Variants in PALB2 observed in about 807,000 individuals in gnomAD.
PALB2 encodes the protein mutant partner and localizer of BRCA2.
PALB2 carries 82 observed loss-of-function variants against 107.4 expected under a neutral mutation model. The observed-to-expected ratio is 0.76, with a 90% CI of 0.64 to 0.92. The LOEUF (loss-of-function observed/expected upper bound fraction) is 0.92. Among genes scored for constraint, PALB2 ranks in the 40% least tolerant of loss-of-function variants. PALB2 has a pLI of 0.00. For synonymous variants in PALB2, 489 were observed against 496.8 expected (o/e 0.98, Z 0.21); for missense variants, 1,374 against 1,379.9 (o/e 1.00, Z 0.07).
intron 10 of PALB2, among the ~76,000 whole-genome samples, chr16:23,615,853 C>G (rs917158304): frequency 6.6e-6 from 1 of 151,492 alleles, no homozygotes; most frequent in Non-Finnish European, 1.5e-5. Context: ...TTAGTAGACA[C>G]GGGGTACACC....
intron 4 of PALB2, among the ~76,000 whole-genome samples, chr16:23,630,903 A>G (rs1451176262): frequency 6.6e-6 from 1 of 151,998 alleles, no homozygotes; most frequent in South Asian, 2.1e-4. Flanking sequence ...TGAGCCCAGG[A>G]GTTCCAGACC....
At chr16:23,614,784 G>C (rs1385424032) in intron 10 of PALB2, among the ~76,000 whole-genome samples, 3 of 148,992 alleles carry the variant, frequency 2.0e-5, no homozygotes, top group Non-Finnish European at 3.0e-5. Context: ...CCGAGTAGCT[G>C]GGACTACAGG....
chr16:23,638,720 A>C (rs868304801), intron 1 of PALB2: 3 of 356,222 alleles, frequency 8.4e-6, no homozygotes, highest in Non-Finnish European at 1.1e-5. Flanking sequence ...TTACAAGGTA[A>C]AAAAATACAC....
intron 1 of PALB2, chr16:23,638,404 G>A (rs147003887): frequency 1.3e-4 from 65 of 513,914 alleles, no homozygotes; most frequent in African/African-American, 1.1e-3. Context: ...TAGACTTCTA[G>A]GTCCTTCTCC....
chr16:23,637,999 T>C (rs1483415523), intron 2 of PALB2, 47 bp from the exon 3 acceptor site: 2 of 1,605,878 alleles, frequency 1.2e-6, no homozygotes. Flanking sequence ...CTTTAAAGTT[T>C]TATAGAGTCA....
rs551880135 is a variant in PALB2, at chr16:23,609,706, C to T, written c.3202-1694G>A. Among the ~76,000 whole-genome samples the T allele has an allele frequency of 1.0e-3, 147 of 143,774 alleles. 3 individuals are homozygous for T. The Middle Eastern group carries it at 0.028, about 28-fold the overall frequency. 94.3% of individuals were successfully genotyped at this position (143,774 alleles called of 152,430 possible). A position where few individuals can be genotyped will look rare whatever the true frequency, so the allele number is the denominator to read the frequency against. On this transcript the variant is annotated intron_variant, in intron 11 of 12. Transcript: ENST00000261584. The stretch of plus-strand genomic sequence containing the variant: ...CTAATTTTTTGTACTTTTAGTAGAG[C>T]GGGGTTTCACTGTGTTAGCCAGGAT...
intron 11 of PALB2, among the ~76,000 whole-genome samples, chr16:23,613,538 G>A (rs976424240): frequency 6.6e-5 from 10 of 151,992 alleles, no homozygotes; most frequent in Non-Finnish European, 1.3e-4. Context: ...CAGCTACTTG[G>A]AAGACTGAGG....
At chr16:23,608,155 AT>A in intron 11 of PALB2, 143 bp from the exon 12 acceptor site, 10 of 889,908 alleles carry the variant, frequency 1.1e-5, no homozygotes, top group Middle Eastern at 2.8e-4. Context: ...CACTGGCTTG[AT>A]TTTTTTCCCT....
intron 7 of PALB2, 55 bp from the exon 8 acceptor site, chr16:23,624,149 T>C: frequency 8.1e-7 from 1 of 1,236,732 alleles, no homozygotes; most frequent in Non-Finnish European, 1.2e-6. Context: ...TTTTGTTTAA[T>C]CCAGATTTTC....
intron 1 of PALB2, among the ~76,000 whole-genome samples, chr16:23,639,706 A>C (rs1042837999): frequency 8.2e-5 from 12 of 146,244 alleles, no homozygotes; most frequent in African/African-American, 2.5e-4. Context: ...TGTAATCCCA[A>C]CTACTCGGGA....
At position 23,631,279 on chromosome 16, in the gene PALB2, C is replaced by CA. The variant is rs1157091932; in HGVS notation, c.1685-811dup. On this transcript the variant is annotated intron_variant, in intron 4 of 12. Transcript: ENST00000261584. ...TGGGCGACAGAGTGAGACTCTGTCTCAAAAAAAAAAAAAAAAAAAAAAAAA... is the reference window on the plus strand; with the variant it reads ...TGGGCGACAGAGTGAGACTCTGTCTCAAAAAAAAAAAAAAAAAAAAAAAAAA... Among the ~76,000 whole-genome samples, 228 of 23,562 alleles carry CA rather than the reference C, an allele frequency of 9.7e-3. 20 individuals carry two copies. Among genetic ancestry groups the CA allele is most frequent in the African/African-American group, 0.021 (132 of 6,400 alleles). The allele number at this position is 23,562 out of a possible 152,430, so 15.5% of individuals were successfully genotyped here. A position where few individuals can be genotyped will look rare whatever the true frequency, so the allele number is the denominator to read the frequency against.
chr16:23,629,550 AG>A, intron 5 of PALB2, 89 bp downstream of exon 5: 1 of 1,239,786 alleles, frequency 8.1e-7, no homozygotes, highest in Admixed American at 1.7e-5. Flanking sequence ...TAAACGTGGA[AG>A]GCCCAATGCG....
Position 23,619,206 on chromosome 16 carries a change from A to G in PALB2, c.3113+2156T>C, listed in dbSNP as rs1474115843. 4.6e-5 allele frequency among the ~76,000 whole-genome samples: 7 copies of G among 152,150 alleles called. No individual in the cohort carries two copies. In the South Asian group the frequency reaches 1.0e-3, roughly 23 times the overall value. ...CTGAGAAAAGAAAAAACATCAATCT[A>G]TTTTCCTAATACAAATTAAACTTGC... On this transcript the variant is annotated intron_variant, in intron 10 of 12. Transcript: ENST00000261584.
intron 4 of PALB2, among the ~76,000 whole-genome samples, chr16:23,633,212 A>G (rs180732657): frequency 8.5e-5 from 13 of 152,296 alleles, no homozygotes; most frequent in Admixed American, 7.2e-4. Context: ...CACAATTATT[A>G]TTTTTGGATT....
At position 23,636,341 on chromosome 16, in the gene PALB2, AG is replaced by A; in HGVS notation, c.212-8del. On this transcript the variant is annotated splice_polypyrimidine_tract_variant and splice_region_variant and intron_variant, in intron 3 of 12. Coordinates refer to ENST00000261584, the MANE Select transcript of PALB2 (RefSeq NM_024675.4). ...CATATTTTATTTTTAGGTTCTGAGGAGGAAAAAAATGTATATAACTTATATT... is the reference window on the plus strand; with the variant it reads ...CATATTTTATTTTTAGGTTCTGAGGAGAAAAAAATGTATATAACTTATATT... The A allele has an allele frequency of 1.3e-6, 2 of 1,573,282 alleles. No homozygotes were observed. Among genetic ancestry groups the A allele is most frequent in the Admixed American group, 1.8e-5 (1 of 56,236 alleles).
At chr16:23,641,010 A>G in intron 1 of PALB2, 100 bp downstream of exon 1, 1 of 1,371,016 alleles carries the variant, frequency 7.3e-7, no homozygotes, top group Non-Finnish European at 1.0e-6. Context: ...TGGTCAGATG[A>G]TACTGCTGCC....
chr16:23,641,045 C>T, intron 1 of PALB2, 65 bp downstream of exon 1: 1 of 1,582,354 alleles, frequency 6.3e-7, no homozygotes, highest in Non-Finnish European at 8.6e-7. Flanking sequence ...GACACAAAGC[C>T]AGGCCTAAAA....
At chr16:23,639,997 T>C (rs576609248) in intron 1 of PALB2, among the ~76,000 whole-genome samples, 4 of 152,006 alleles carry the variant, frequency 2.6e-5, no homozygotes, top group Non-Finnish European at 5.9e-5. Flanking sequence ...GCGATTCTCG[T>C]GCATCAGCCT....
intron 8 of PALB2, among the ~76,000 whole-genome samples, chr16:23,623,681 G>A (rs929840927): frequency 6.0e-5 from 9 of 150,826 alleles, no homozygotes; most frequent in Non-Finnish European, 1.0e-4. Flanking sequence ...TATACACCAG[G>A]CTAATTTTTG....
Sources: allele counts gnomAD v4.1 joint callset (sites outside exome capture counted in the v4.1 genomes callset), GRCh38; gene constraint gnomAD v4.1.1; transcripts MANE v1.5; gene names NCBI Gene and HGNC (gene_info 2026-07-23, HGNC 2026-07-21).